The following RETREG2 variants were observed in gnomAD, a reference collection of about 807,000 sequenced individuals.
RETREG2 encodes reticulophagy regulator family member 2, also known as reticulophagy regulator 2.
Under a neutral mutation model 51.6 loss-of-function variants are expected in RETREG2, and 21 were observed. The ratio of observed to expected loss-of-function variants is 0.41; its 90% CI spans 0.29 to 0.59. The LOEUF (loss-of-function observed/expected upper bound fraction) is 0.59. Ranked by LOEUF, RETREG2 falls within the 20% of genes least tolerant of loss-of-function variation. The pLI is 0.34. For missense variants in RETREG2, 674 were observed against 646.0 expected (o/e 1.04, Z -0.47); for synonymous variants, 339 against 288.6 (o/e 1.17, Z -1.77).
Position 219,179,672 on chromosome 2 carries a change from T to C in RETREG2, c.389-61T>C, listed in dbSNP as rs992929344. On this transcript the variant is annotated intron_variant, in intron 2 of 8. Transcript: ENST00000430297. ...CAGAGGAGGGACAACTATTTCTGCC[T>C]TGGGGAGTGTCTCCCAGGGCCCCTA... 5.3e-6 allele frequency: 8 copies of C among 1,521,766 alleles called. No homozygotes were observed. The African/African-American group carries it at 6.9e-5, about 13-fold the overall frequency. 94.3% of individuals were successfully genotyped at this position (1,521,766 alleles called of 1,614,324 possible). A position where few individuals can be genotyped will look rare whatever the true frequency, so the allele number is the denominator to read the frequency against.
At position 219,178,560 on chromosome 2, in the gene RETREG2, G is replaced by A. The variant is rs1469828572; in HGVS notation, c.208G>A (p.Ala70Thr). 2 of 1,452,340 alleles carry A rather than the reference G, an allele frequency of 1.4e-6. No individual in the cohort carries two copies. Among genetic ancestry groups the A allele is most frequent in the Non-Finnish European group, 9.0e-7 (1 of 1,110,216 alleles). The allele number at this position is 1,452,340 out of a possible 1,614,324, so 90.0% of individuals were successfully genotyped here. A position where few individuals can be genotyped will look rare whatever the true frequency, so the allele number is the denominator to read the frequency against. The change falls in exon 1 of 9, where the codon GCG becomes ACG. Residue 70 changes from alanine to threonine, a missense_variant. Ala to Thr is a moderately conservative substitution (Grantham distance 58, BLOSUM62 0). Transcript: ENST00000430297. ...CGGCTGGGAGGCGGTGCTGGCGGCG[G>A]CGCAGCGGTTGCTGGTGTGGGAGAA... ...LRGWEAVLAAAQRLLVWEKPL... is the reference protein window; with the variant it reads ...LRGWEAVLAATQRLLVWEKPL...
At position 219,183,937 on chromosome 2, in the gene RETREG2, T is replaced by C. The variant is rs1950316884; in HGVS notation, c.*1308T>C. 1 of 152,222 alleles carries C rather than the reference T, an allele frequency of 6.6e-6. No homozygotes were observed. Among genetic ancestry groups the C allele is most frequent in the African/African-American group, 2.4e-5 (1 of 41,454 alleles). 9.4% of individuals were successfully genotyped at this position (152,222 alleles called of 1,614,324 possible). A position where few individuals can be genotyped will look rare whatever the true frequency, so the allele number is the denominator to read the frequency against. On this transcript the variant is annotated 3_prime_UTR_variant, in exon 9 of 9. Coordinates refer to ENST00000430297, the MANE Select transcript of RETREG2 (RefSeq NM_024293.6). Reference sequence around the variant, plus strand: ...GAAATGAGTTGGAGCCAAGGAACACTGAAGAAATAGTATCTTAACAGTTAC... The same window carrying C: ...GAAATGAGTTGGAGCCAAGGAACACCGAAGAAATAGTATCTTAACAGTTAC...
chr2:219,181,016 A>G (rs1950270606), intron 5 of RETREG2, 46 bp from the exon 6 acceptor site: 2 of 1,606,922 alleles, frequency 1.2e-6, no homozygotes, highest in South Asian at 1.1e-5. Context: ...GGGGGCTCTT[A>G]GGAAATTGGC....
chr2:219,181,273 C>A, intron 6 of RETREG2, 68 bp downstream of exon 6: 1 of 1,606,972 alleles, frequency 6.2e-7, no homozygotes, highest in Non-Finnish European at 8.5e-7. Context: ...TCATGAGATG[C>A]CCTGGAATTG....
rs775896605 is a variant in RETREG2, at chr2:219,181,378, G to T, written c.794G>T (p.Gly265Val). ...ACTCTTGCTTTTCTAGAGCGTCAGG[G>T]GAAGAATGCACCCCCAGGAGGTGAT... Reference protein sequence around the residue: ...HHKHDKRKRQGKNAPPGGDEP... With the variant: ...HHKHDKRKRQVKNAPPGGDEP... The change falls in exon 7 of 9, where the codon GGG (glycine) becomes GTG (valine). Residue 265 changes from glycine to valine, a missense_variant. Gly to Val is a moderately radical substitution (Grantham distance 109). Transcript: ENST00000430297. The T allele has an allele frequency of 8.7e-6, 14 of 1,613,936 alleles. No homozygotes were observed. The Admixed American group carries it at 2.3e-4, about 27-fold the overall frequency.
Position 219,182,833 on chromosome 2 carries a change from T to G in RETREG2, c.*204T>G, listed in dbSNP as rs557587541. 3 of 622,390 alleles carry G rather than the reference T, an allele frequency of 4.8e-6. No homozygotes were observed. The African/African-American group carries it at 5.5e-5, about 11-fold the overall frequency. The allele number at this position is 622,390 out of a possible 1,614,324, so 38.6% of individuals were successfully genotyped here. Reference sequence around the variant, plus strand: ...CCTGTGCCTAGGATTGGTTTTAAATTTGTAAATAATTTTCCATTTGGGTTA... The same window carrying G: ...CCTGTGCCTAGGATTGGTTTTAAATGTGTAAATAATTTTCCATTTGGGTTA... On this transcript the variant is annotated 3_prime_UTR_variant, in exon 9 of 9. Transcript: ENST00000430297.
Position 219,182,153 on chromosome 2 carries a change from G to A in RETREG2, c.1156G>A (p.Glu386Lys). The change falls in exon 9 of 9, where the codon GAG (glutamate) becomes AAG (lysine). Residue 386 changes from glutamate (E) to lysine (K), a missense_variant. By Grantham distance (56) the Glu-to-Lys change is moderately conservative (BLOSUM62 1). Coordinates refer to ENST00000430297, the MANE Select transcript of RETREG2 (RefSeq NM_024293.6). ...TCTGTCAAGGCAAGCCCTGGACTCG[G>A]AGGAAGAGGAAGAGGATGTGGCAGC... ...QALSRQALDSEEEEEDVAAKE... is the reference protein window; with the variant it reads ...QALSRQALDSKEEEEDVAAKE... 1.9e-6 allele frequency: 3 copies of A among 1,610,136 alleles called. No homozygotes were observed. Among genetic ancestry groups the A allele is most frequent in the Non-Finnish European group, 2.5e-6 (3 of 1,179,676 alleles).
intron 7 of RETREG2, 44 bp downstream of exon 7, chr2:219,181,507 G>C (rs750584717): frequency 6.8e-6 from 11 of 1,609,196 alleles, no homozygotes; most frequent in Non-Finnish European, 8.5e-6. Context: ...AAAGCCAGAG[G>C]AAAAATCTTT....
rs1950316383 is a variant in RETREG2, at chr2:219,183,900, T to C, written c.*1271T>C. The C allele has an allele frequency of 6.6e-6, 1 of 152,210 alleles. No individual in the cohort carries two copies. 9.4% of individuals were successfully genotyped at this position (152,210 alleles called of 1,614,324 possible). ...AAGCCAAACAAGCAATAGAGGACCT[T>C]TACCTGTGTTAGAAATGAGTTGGAG... On this transcript the variant is annotated 3_prime_UTR_variant, in exon 9 of 9. Coordinates refer to ENST00000430297, the MANE Select transcript of RETREG2 (RefSeq NM_024293.6).
chr2:219,180,806 C>G, intron 5 of RETREG2, 52 bp downstream of exon 5: 1 of 1,589,090 alleles, frequency 6.3e-7, no homozygotes, highest in South Asian at 1.1e-5. Context: ...TTCTTCTTTC[C>G]TTGGACTGAC....
chr2:219,185,090 GT>G lies in RETREG2; in HGVS notation c.*2462del, dbSNP rs1361750180. Reference sequence around the variant, plus strand: ...GATTCACCCACCTCGGCCTCCCAAAGTGCTGGGATTACAGGTGTGAGCCACG... The same window carrying G: ...GATTCACCCACCTCGGCCTCCCAAAGGCTGGGATTACAGGTGTGAGCCACG... On this transcript the variant is annotated 3_prime_UTR_variant, in exon 9 of 9. Coordinates refer to ENST00000430297, the MANE Select transcript of RETREG2 (RefSeq NM_024293.6). 6.6e-6 allele frequency: 1 copy of G among 152,076 alleles called. No homozygotes were observed. Among genetic ancestry groups the G allele is most frequent in the Admixed American group, 6.6e-5 (1 of 15,258 alleles). The allele number at this position is 152,076 out of a possible 1,614,324, so 9.4% of individuals were successfully genotyped here.
Position 219,181,391 on chromosome 2 carries a change from C to T in RETREG2, c.807C>T (p.Pro269=). ...DKRKRQGKNA[P]PGGDEPLAET... ...TAGAGCGTCAGGGGAAGAATGCACC[C>T]CCAGGAGGTGATGAGCCACTGGCAG... is the stretch of plus-strand genomic sequence containing the variant. Residue 269 remains proline, a synonymous_variant, in exon 7 of 9, where the codon CCC becomes CCT. Transcript: ENST00000430297. The T allele has an allele frequency of 6.2e-7, 1 of 1,613,988 alleles. No individual in the cohort carries two copies. Among genetic ancestry groups the T allele is most frequent in the Non-Finnish European group, 8.5e-7 (1 of 1,179,996 alleles).
At position 219,178,358 on chromosome 2, in the gene RETREG2, G is replaced by A. The variant is rs1318218013; in HGVS notation, c.6G>A (p.Ala2=). ...GCGGCGGCTGCGGCGGGGCTATGGC[G>A]AGCGGCGGTGGCGGGGGTAACACTG... M[A]SGGGGGNTGA... The change falls in exon 1 of 9, where the codon GCG becomes GCA. Residue 2 remains alanine (A), a synonymous_variant. Transcript: ENST00000430297. The A allele has an allele frequency of 6.7e-6, 3 of 445,644 alleles. No individual in the cohort carries two copies. The highest frequency in any genetic ancestry group is 1.2e-5 in the Non-Finnish European group (3 of 254,772). 27.6% of individuals were successfully genotyped at this position (445,644 alleles called of 1,614,324 possible). A position where few individuals can be genotyped will look rare whatever the true frequency, so the allele number is the denominator to read the frequency against.
rs1055881315 is a variant in RETREG2, at chr2:219,185,351, A to G, written c.*2722A>G. The G allele has an allele frequency of 2.6e-5, 4 of 152,226 alleles. 1 individual carries two copies. The highest frequency in any genetic ancestry group is 5.9e-5 in the Non-Finnish European group (4 of 68,030). 9.4% of individuals were successfully genotyped at this position (152,226 alleles called of 1,614,324 possible). Reference sequence around the variant, plus strand: ...CAGGCTGAGGGGAGAAGAGTTGGCTACATGTTTATGTTAGGGGAGGAGGGA... The same window carrying G: ...CAGGCTGAGGGGAGAAGAGTTGGCTGCATGTTTATGTTAGGGGAGGAGGGA... On this transcript the variant is annotated 3_prime_UTR_variant, in exon 9 of 9. Transcript: ENST00000430297.
rs367568508 is a variant in RETREG2 at position 219,181,481 on chromosome 2, C to T, written c.879+18C>T. 2.3e-5 allele frequency: 37 copies of T among 1,612,370 alleles called. No homozygotes were observed. Among genetic ancestry groups the T allele is most frequent in the African/African-American group, 9.4e-5 (7 of 74,816 alleles). On this transcript the variant is annotated intron_variant, in intron 7 of 8. Transcript: ENST00000430297. Reference sequence around the variant, plus strand: ...CCCCAGTGGTGAGGTCCAGGGAAAGCGGGGGTGTCAAATAGAAAGCCAGAG... The same window carrying T: ...CCCCAGTGGTGAGGTCCAGGGAAAGTGGGGGTGTCAAATAGAAAGCCAGAG...
rs1950232696 is a variant in RETREG2, at chr2:219,178,915, C to T, written c.282-7C>T. ...ACTCACTGCTGAGGTGCCTGTCTCT[C>T]CCTAAGGTTGCTGTCTTCCTCGTCC... On this transcript the variant is annotated splice_region_variant and splice_polypyrimidine_tract_variant and intron_variant, in intron 1 of 8. Transcript: ENST00000430297. 2.5e-6 allele frequency: 4 copies of T among 1,603,666 alleles called. No homozygotes were observed. The highest frequency in any genetic ancestry group is 2.6e-6 in the Non-Finnish European group (3 of 1,171,474).
Position 219,178,448 on chromosome 2 carries a change from G to C in RETREG2, c.96G>C (p.Met32Ile), listed in dbSNP as rs1211239257. 2.5e-6 allele frequency: 2 copies of C among 785,640 alleles called. No individual in the cohort carries two copies. Among genetic ancestry groups the C allele is most frequent in the Non-Finnish European group, 3.9e-6 (2 of 513,808 alleles). 48.7% of individuals were successfully genotyped at this position (785,640 alleles called of 1,614,324 possible). A position where few individuals can be genotyped will look rare whatever the true frequency, so the allele number is the denominator to read the frequency against. Residue 32 changes from methionine to isoleucine, a missense_variant, in exon 1 of 9, where the codon ATG becomes ATC. Met to Ile is a conservative substitution (Grantham distance 10, BLOSUM62 1). Transcript: ENST00000430297. ...TGGGTCTGGGTCTGAGCCTAGGCAT[G>C]AGTGAGGCCACCAGTGAGGCAGAGG... ...LGLGLGLSLG[M>I]SEATSEAEEE...
chr2:219,183,104 G>T lies in RETREG2; in HGVS notation c.*475G>T, dbSNP rs757314776. On this transcript the variant is annotated 3_prime_UTR_variant, in exon 9 of 9. Coordinates refer to ENST00000430297, the MANE Select transcript of RETREG2 (RefSeq NM_024293.6). ...ATTTCCCTGCTGTGTCCTGTCCTTA[G>T]CAGCTCAACCCCATCCTTTGCCAGC... 2.3e-5 allele frequency: 4 copies of T among 173,296 alleles called. No homozygotes were observed. The highest frequency in any genetic ancestry group is 5.1e-5 in the Non-Finnish European group (4 of 78,550). 10.7% of individuals were successfully genotyped at this position (173,296 alleles called of 1,614,324 possible).
chr2:219,178,419 G>C lies in RETREG2; in HGVS notation c.67G>C (p.Gly23Arg). ...GGGGCCGGGGATGGGCCTGAGCCTG[G>C]GCCTGGGTCTGGGTCTGAGCCTAGG... Reference protein sequence around the residue: ...GGGPGMGLSLGLGLGLSLGMS... With the variant: ...GGGPGMGLSLRLGLGLSLGMS... Residue 23 changes from glycine to arginine, a missense_variant, in exon 1 of 9, where the codon GGC (glycine) becomes CGC (arginine). Transcript: ENST00000430297. The C allele has an allele frequency of 1.7e-6, 1 of 602,136 alleles. No homozygotes were observed. The highest frequency in any genetic ancestry group is 2.8e-6 in the Non-Finnish European group (1 of 362,124). The allele number at this position is 602,136 out of a possible 1,614,324, so 37.3% of individuals were successfully genotyped here. A position where few individuals can be genotyped will look rare whatever the true frequency, so the allele number is the denominator to read the frequency against.
Sources: gnomAD v4.1 joint callset for allele counts on GRCh38, gnomAD v4.1.1 for gene constraint, MANE v1.5 for transcripts, NCBI Gene and HGNC (gene_info 2026-07-23, HGNC 2026-07-21) for gene names.